Variants in MIPEP observed in about 807,000 individuals in gnomAD.
The protein encoded by MIPEP is mitochondrial intermediate peptidase.
A neutral mutation model predicts 90.3 loss-of-function variants in MIPEP; 79 were observed. The ratio of observed to expected loss-of-function variants is 0.87; its 90% CI spans 0.73 to 1.05. The LOEUF is 1.05. MIPEP is among the 50% of genes least tolerant of loss of function. The pLI is 0.00. For synonymous variants in MIPEP, 334 were observed against 315.8 expected (o/e 1.06, Z -0.61); for missense variants, 940 against 905.6 (o/e 1.04, Z -0.49).
chr13:23,796,369 A>G (rs1952961414), intron 16 of MIPEP, among the ~76,000 whole-genome samples: 1 of 152,214 alleles, frequency 6.6e-6, no homozygotes, highest in South Asian at 2.1e-4. Flanking sequence ...GTAAGCTGGC[A>G]TCGTTCCACT....
intron 16 of MIPEP, among the ~76,000 whole-genome samples, chr13:23,771,190 C>A (rs927317198): frequency 6.6e-6 from 1 of 152,166 alleles, no homozygotes; most frequent in Admixed American, 6.5e-5. Context: ...GCCACACCCA[C>A]CTCCTAGGGC....
chr13:23,859,320 C>A (rs1420016994), intron 9 of MIPEP, among the ~76,000 whole-genome samples: 1 of 152,094 alleles, frequency 6.6e-6, no homozygotes, highest in African/African-American at 2.4e-5. Context: ...TAAATCTAAG[C>A]AAGAAGCTTT....
chr13:23,881,163 G>A (rs1415422363), intron 3 of MIPEP, among the ~76,000 whole-genome samples: 1 of 152,182 alleles, frequency 6.6e-6, no homozygotes, highest in Non-Finnish European at 1.5e-5. Flanking sequence ...GACTTTTACA[G>A]CCTCCCTAGA....
chr13:23,885,925 A>G (rs866484763), intron 2 of MIPEP, among the ~76,000 whole-genome samples: 12 of 151,338 alleles, frequency 7.9e-5, no homozygotes, highest in African/African-American at 2.7e-4. Flanking sequence ...AAAAAAAAAA[A>G]AAAGAAAAAG....
At chr13:23,845,776 TTC>T (rs1272778055) in intron 10 of MIPEP, among the ~76,000 whole-genome samples, 18 of 152,344 alleles carry the variant, frequency 1.2e-4, no homozygotes, top group Middle Eastern at 6.8e-3. Context: ...GCCAATGTAA[TTC>T]TGTTACGTTT....
Position 23,879,356 on chromosome 13 carries a change from T to G in MIPEP, c.453-2A>C, listed in dbSNP as rs1185184753. ...TATAAATCCACATTTGTGTTCAACC[T>G]AGAAAAAATAGAAATTTAAAAAATT... On this transcript the variant is annotated splice_acceptor_variant, in intron 3 of 18. Transcript: ENST00000382172. LOFTEE classifies it high-confidence loss of function. 7.0e-7 allele frequency: 1 copy of G among 1,426,870 alleles called. No individual in the cohort carries two copies. 88.4% of individuals were successfully genotyped at this position (1,426,870 alleles called of 1,614,324 possible). A position where few individuals can be genotyped will look rare whatever the true frequency, so the allele number is the denominator to read the frequency against.
At position 23,869,415 on chromosome 13, in the gene MIPEP, G is replaced by C. The variant is rs759723618; in HGVS notation, c.820C>G (p.Pro274Ala). 4.4e-6 allele frequency: 7 copies of C among 1,604,496 alleles called. No individual in the cohort carries two copies. The Admixed American group carries it at 7.0e-5, about 16-fold the overall frequency. Residue 274 changes from proline (P) to alanine (A), a missense_variant, in exon 7 of 19, where the codon CCC becomes GCC. By Grantham distance (27) the Pro-to-Ala change is conservative. Coordinates refer to ENST00000382172, the MANE Select transcript of MIPEP (RefSeq NM_005932.4). The stretch of plus-strand genomic sequence containing the variant: ...AAACATTTCAATTGACCAGCATTGG[G>C]ATAAAGAAAAATTTTATAAGCAGCT... The part of the protein sequence containing the change: ...REAAYKIFLY[P>A]NAGQLKCLEE...
chr13:23,752,153 G>A (rs928689910), intron 18 of MIPEP, among the ~76,000 whole-genome samples: 16 of 152,164 alleles, frequency 1.1e-4, no homozygotes, highest in African/African-American at 3.6e-4. Context: ...ACTTATCAGA[G>A]GATAAGTAAA....
intron 16 of MIPEP, among the ~76,000 whole-genome samples, chr13:23,799,577 C>T (rs12430763): frequency 0.37 from 55,732 of 151,924 alleles, 11,021 homozygotes; most frequent in Admixed American, 0.5. Flanking sequence ...CCGCCCGCCT[C>T]GGCCTCCCAA....
intron 16 of MIPEP, among the ~76,000 whole-genome samples, chr13:23,787,998 C>A (rs9553066): frequency 0.16 from 23,705 of 152,090 alleles, 1,988 homozygotes; most frequent in South Asian, 0.23. Context: ...AATGGCCATA[C>A]CACTGGGAGT....
At chr13:23,836,391 A>AT in intron 13 of MIPEP, 42 bp from the exon 14 acceptor site, 1 of 1,225,550 alleles carries the variant, frequency 8.2e-7, no homozygotes, top group Non-Finnish European at 1.1e-6. Context: ...AATCAAATCA[A>AT]TATATTTATC....
At position 23,764,540 on chromosome 13, in the gene MIPEP, C is replaced by A. The variant is rs114412840; in HGVS notation, c.1849-4323G>T. Among the ~76,000 whole-genome samples, 422 of 152,286 alleles carry A rather than the reference C, an allele frequency of 2.8e-3. 4 individuals carry two copies. The highest frequency in any genetic ancestry group is 8.7e-3 in the African/African-American group (362 of 41,550). ...GCTAGATATGGAATAACGGAACTAACCATTTCTCCCAATTATACTCTTTTT... is the reference window on the plus strand; with the variant it reads ...GCTAGATATGGAATAACGGAACTAAACATTTCTCCCAATTATACTCTTTTT... On this transcript the variant is annotated intron_variant, in intron 16 of 18. Transcript: ENST00000382172.
chr13:23,865,609 G>A (rs1006034736), intron 7 of MIPEP, among the ~76,000 whole-genome samples: 2 of 151,966 alleles, frequency 1.3e-5, no homozygotes, highest in East Asian at 1.9e-4. Context: ...TAATAACCGT[G>A]TTTTAACATT....
chr13:23,879,149 T>C, intron 4 of MIPEP, 119 bp downstream of exon 4: 2 of 693,530 alleles, frequency 2.9e-6, no homozygotes, highest in Non-Finnish European at 5.2e-6. Flanking sequence ...GTCATAGAGA[T>C]ACCTGGGGAG....
At chr13:23,739,583 T>G (rs1952303838) in intron 18 of MIPEP, among the ~76,000 whole-genome samples, 1 of 152,216 alleles carries the variant, frequency 6.6e-6, no homozygotes, top group African/African-American at 2.4e-5. Context: ...ACTGGTCATC[T>G]GTTGATAGGT....
At chr13:23,842,427 A>G (rs1869337079) in intron 10 of MIPEP, 1 of 152,242 alleles carries the variant, frequency 6.6e-6, no homozygotes, top group Non-Finnish European at 1.5e-5. Flanking sequence ...GACTTTGGCT[A>G]TGGACATCCA....
intron 10 of MIPEP, among the ~76,000 whole-genome samples, chr13:23,849,680 C>T (rs967066382): frequency 2.0e-5 from 3 of 152,166 alleles, no homozygotes; most frequent in African/African-American, 7.2e-5. Context: ...AGTAATGTAT[C>T]AAAATCTTCA....
intron 16 of MIPEP, among the ~76,000 whole-genome samples, chr13:23,765,277 G>A (rs1293751346): frequency 6.6e-6 from 1 of 152,160 alleles, no homozygotes; most frequent in African/African-American, 2.4e-5. Context: ...AAAGGTAACA[G>A]CAGCTTTCCT....
chr13:23,765,251 C>T (rs1659132343), intron 16 of MIPEP, among the ~76,000 whole-genome samples: 1 of 152,130 alleles, frequency 6.6e-6, no homozygotes, highest in Admixed American at 6.5e-5. Context: ...TACAGTAGTC[C>T]TCCCAACTCA....
Sources: allele counts gnomAD v4.1 joint callset (sites outside exome capture counted in the v4.1 genomes callset), GRCh38; gene constraint gnomAD v4.1.1; transcripts MANE v1.5; gene names NCBI Gene and HGNC (gene_info 2026-07-23, HGNC 2026-07-21).